Variants in CCDC93 observed in about 807,000 individuals in gnomAD.
CCDC93 encodes CCC complex scaffolding subunit CCDC93.
Under a neutral mutation model 108.2 loss-of-function variants are expected in CCDC93, and 61 were observed. The observed-to-expected ratio is 0.56, with a 90% CI of 0.46 to 0.70. CCDC93 has a LOEUF of 0.70. Ranked by LOEUF, CCDC93 falls within the 30% of genes least tolerant of loss-of-function variation. The pLI is 0.00. For synonymous variants in CCDC93, 276 were observed against 260.4 expected (o/e 1.06, Z -0.58); for missense variants, 685 against 764.2 (o/e 0.90, Z 1.22).
At chr2:117,989,716 G>A (rs12465839) in intron 6 of CCDC93, among the ~76,000 whole-genome samples, 59,586 of 152,042 alleles carry the variant, frequency 0.39, 12,315 homozygotes, top group East Asian at 0.68. Flanking sequence ...TATAAGCAGA[G>A]CTGTTACGAA....
chr2:118,008,294 G>T (rs1292223634), intron 2 of CCDC93, among the ~76,000 whole-genome samples: 2 of 152,130 alleles, frequency 1.3e-5, no homozygotes, highest in Non-Finnish European at 2.9e-5. Context: ...TTGAAAGAAG[G>T]AACTATTTAT....
rs1305237881 is a variant in CCDC93 at position 117,945,536 on chromosome 2, G to C, written c.1343C>G (p.Thr448Ser). The C allele has an allele frequency of 6.2e-7, 1 of 1,613,818 alleles. No individual in the cohort carries two copies. The highest frequency in any genetic ancestry group is 8.5e-7 in the Non-Finnish European group (1 of 1,179,818). The change falls in exon 17 of 24, where the codon ACT (threonine) becomes AGT (serine). Residue 448 changes from threonine (T) to serine (S), a missense_variant. By Grantham distance (58) the Thr-to-Ser change is moderately conservative. Coordinates refer to ENST00000376300, the MANE Select transcript of CCDC93 (RefSeq NM_019044.5). Reference sequence around the variant, plus strand: ...GAGCAGGCAGGTACTTACGTCATGAGTCATTGCAGAGGTCAAGGTACCAGG... The same window carrying C: ...GAGCAGGCAGGTACTTACGTCATGACTCATTGCAGAGGTCAAGGTACCAGG... ...EPPGTLTSAM[T>S]HDEDLDRRYN...
intron 23 of CCDC93, among the ~76,000 whole-genome samples, chr2:117,920,786 G>C (rs960426876): frequency 1.3e-5 from 2 of 152,174 alleles, no homozygotes; most frequent in Admixed American, 6.5e-5. Context: ...ATAAAAGGGA[G>C]CCCTAGTTTA....
At chr2:117,955,154 A>G (rs1679179636) in intron 12 of CCDC93, among the ~76,000 whole-genome samples, 1 of 152,222 alleles carries the variant, frequency 6.6e-6, no homozygotes, top group Non-Finnish European at 1.5e-5. Flanking sequence ...TCAATTTTGC[A>G]AAGTGCTTAG....
intron 6 of CCDC93, 35 bp downstream of exon 6, chr2:117,995,411 G>C (rs750575695): frequency 6.6e-7 from 1 of 1,525,426 alleles, no homozygotes; most frequent in Non-Finnish European, 9.1e-7. Flanking sequence ...AGGCTACGCA[G>C]GACTCTGACA....
At chr2:117,988,837 C>G (rs909859989) in intron 6 of CCDC93, among the ~76,000 whole-genome samples, 2 of 152,210 alleles carry the variant, frequency 1.3e-5, no homozygotes, top group African/African-American at 4.8e-5. Context: ...ACACCCCTCA[C>G]CCCTGTTCTT....
rs983638561 is a variant in CCDC93 at position 117,949,356 on chromosome 2, C to G, written c.1108G>C (p.Ala370Pro). The change falls in exon 14 of 24, where the codon GCC (alanine) becomes CCC (proline). Residue 370 changes from alanine to proline, a missense_variant. Coordinates refer to ENST00000376300, the MANE Select transcript of CCDC93 (RefSeq NM_019044.5). ...YSEKLDKEQA[A>P]LEKIESKADP... ...GCTTTGGATTCTATCTTCTCGAGGG[C>G]TGCTTGCTCTTTGTCCAGTTTCTCA... 17 of 1,613,776 alleles carry G rather than the reference C, an allele frequency of 1.1e-5. No individual in the cohort carries two copies. Among genetic ancestry groups the G allele is most frequent in the Non-Finnish European group, 1.2e-5 (14 of 1,179,724 alleles).
At chr2:117,986,135 T>G in intron 6 of CCDC93, 66 bp from the exon 7 acceptor site, 4 of 792,854 alleles carry the variant, frequency 5.0e-6, no homozygotes, top group African/African-American at 1.8e-5. Context: ...GGCTGCTGGA[T>G]GCCTCCAGCC....
rs77361780 is a variant in CCDC93 at position 117,970,339 on chromosome 2, G to A, written c.888+3569C>T. 1.1e-3 allele frequency among the ~76,000 whole-genome samples: 168 copies of A among 152,110 alleles called. No individual in the cohort carries two copies. In the East Asian group the frequency reaches 0.021, roughly 19 times the overall value. On this transcript the variant is annotated intron_variant, in intron 11 of 23. Coordinates refer to ENST00000376300, the MANE Select transcript of CCDC93 (RefSeq NM_019044.5). ...CAGGTCCCCACTTTAGGCTAAAGAA[G>A]AATAAATTCTACATAGGTTAAAGAA... is the stretch of plus-strand genomic sequence containing the variant.
intron 7 of CCDC93, among the ~76,000 whole-genome samples, chr2:117,980,069 G>A (rs1033199495): frequency 3.9e-5 from 6 of 152,166 alleles, no homozygotes; most frequent in Non-Finnish European, 7.4e-5. Flanking sequence ...CAGAAGCAGC[G>A]TGGTTTCCTT....
intron 12 of CCDC93, 97 bp downstream of exon 12, chr2:117,958,268 G>A: frequency 1.3e-6 from 1 of 748,882 alleles, no homozygotes; most frequent in South Asian, 1.6e-5. Context: ...AACTGGACTG[G>A]CCCAAGCACC....
intron 23 of CCDC93, among the ~76,000 whole-genome samples, chr2:117,929,792 G>A (rs963454393): frequency 3.9e-5 from 6 of 152,126 alleles, no homozygotes; most frequent in Non-Finnish European, 5.9e-5. Flanking sequence ...CAGACCCTCC[G>A]CTCCCCATTC....
intron 8 of CCDC93, among the ~76,000 whole-genome samples, 179 bp from the exon 9 acceptor site, chr2:117,975,459 T>C (rs968372136): frequency 6.6e-6 from 1 of 152,206 alleles, no homozygotes; most frequent in African/African-American, 2.4e-5. Context: ...GTGGGCAGGT[T>C]AAGCTTCAGG....
At chr2:117,991,940 T>C (rs1025061207) in intron 6 of CCDC93, among the ~76,000 whole-genome samples, 2 of 152,180 alleles carry the variant, frequency 1.3e-5, no homozygotes, top group Non-Finnish European at 2.9e-5. Flanking sequence ...TGAGACCTTT[T>C]GGGACTCTCA....
At chr2:117,996,829 CCA>C (rs1680667909) in intron 4 of CCDC93, 1 of 154,008 alleles carries the variant, frequency 6.5e-6, no homozygotes, top group Middle Eastern at 3.1e-3. Flanking sequence ...AGGGAGAGAA[CCA>C]CAGAGAATGC....
chr2:117,935,596 TAG>T lies in CCDC93; in HGVS notation c.1644-19_1644-18del, dbSNP rs772036662. On this transcript the variant is annotated intron_variant, in intron 21 of 23. Coordinates refer to ENST00000376300, the MANE Select transcript of CCDC93 (RefSeq NM_019044.5). ...GCCATGGCCCTGAAAGAAAAACCAG[TAG>T]AGTTATGACCGGCACACAGGACTCT... The T allele has an allele frequency of 1.9e-6, 3 of 1,591,682 alleles. No homozygotes were observed. Among genetic ancestry groups the T allele is most frequent in the Non-Finnish European group, 2.6e-6 (3 of 1,159,910 alleles).
chr2:117,993,318 C>G (rs191387452), intron 6 of CCDC93, among the ~76,000 whole-genome samples: 28 of 151,724 alleles, frequency 1.8e-4, no homozygotes, highest in African/African-American at 6.5e-4. Flanking sequence ...ATGGCGTGAA[C>G]CCGGGAGGCA....
chr2:117,995,344 C>A, intron 6 of CCDC93, 102 bp downstream of exon 6: 3 of 908,692 alleles, frequency 3.3e-6, no homozygotes, highest in Middle Eastern at 2.3e-4. Flanking sequence ...CCTAAGCGAT[C>A]CCCGTAGATG....
chr2:117,990,073 A>G (rs936281813), intron 6 of CCDC93, among the ~76,000 whole-genome samples: 2 of 152,254 alleles, frequency 1.3e-5, no homozygotes, highest in African/African-American at 4.8e-5. Flanking sequence ...AAATGAATGT[A>G]TCTTTTGGGT....
Sources: allele counts gnomAD v4.1 joint callset (sites outside exome capture counted in the v4.1 genomes callset), GRCh38; gene constraint gnomAD v4.1.1; transcripts MANE v1.5; gene names NCBI Gene and HGNC (gene_info 2026-07-23, HGNC 2026-07-21).